CACNB4: variants seen among roughly 807,000 people sequenced by gnomAD.
The protein encoded by CACNB4 is voltage-dependent L-type calcium channel subunit beta-4.
In CACNB4, 32 loss-of-function variants were observed where a neutral mutation model predicts 71.2. The observed-to-expected ratio is 0.45, with a 90% CI of 0.34 to 0.60. CACNB4 has a LOEUF of 0.60. CACNB4 is among the 20% of genes least tolerant of loss of function. The pLI is 0.01. For synonymous variants in CACNB4, 231 were observed against 236.9 expected, an observed-to-expected ratio of 0.97 and a Z score of 0.23; for missense variants, 464 against 647.9, an observed-to-expected ratio of 0.72 and a Z score of 3.08.
intron 12 of CACNB4, chr2:151,851,184 G>A (rs888098210): frequency 6.6e-6 from 1 of 152,148 alleles, no homozygotes; most frequent in Non-Finnish European, 1.5e-5. Context: ...AAGTAAAGCA[G>A]GGGCAAATGC....
chr2:152,064,340 A>G (rs1368292074), intron 2 of CACNB4, among the ~76,000 whole-genome samples: 1 of 152,166 alleles, frequency 6.6e-6, no homozygotes, highest in Non-Finnish European at 1.5e-5. Flanking sequence ...TTATTCTTTA[A>G]TATTTCATTT....
In CACNB4 at chr2:151,842,250, G is replaced by A. The variant is rs557749951; in HGVS notation, c.1117-162C>T. Among the ~76,000 whole-genome samples, 48 of 144,290 alleles carry A rather than the reference G, an allele frequency of 3.3e-4. 1 individual carries two copies. In the South Asian group the frequency reaches 0.011, roughly 34 times the overall value. The allele number at this position is 144,290 out of a possible 152,430, so 94.7% of individuals were successfully genotyped here. A position where few individuals can be genotyped will look rare whatever the true frequency, so the allele number is the denominator to read the frequency against. The stretch of plus-strand genomic sequence containing the variant: ...TTCTAAAGTTAGGGTCAAGTGAAGA[G>A]TTACACAGTTATCCATGAACGAATG... On this transcript the variant is annotated intron_variant, in intron 12 of 13. Transcript: ENST00000539935.
At chr2:152,099,069 G>T, upstream of CACNB4, 2 of 1,229,690 alleles carry the variant, frequency 1.6e-6, no homozygotes, top group South Asian at 1.5e-5. Flanking sequence ...GCTGGCCCCC[G>T]AGGCTGGGCT....
intron 2 of CACNB4, among the ~76,000 whole-genome samples, chr2:151,983,790 A>G (rs557436539): frequency 3.4e-4 from 51 of 152,058 alleles, no homozygotes; most frequent in Non-Finnish European, 7.1e-4. Flanking sequence ...GATAGATTGA[A>G]AAATTTAAAA....
chr2:151,848,816 G>A (rs550303004), intron 12 of CACNB4, among the ~76,000 whole-genome samples: 33 of 152,140 alleles, frequency 2.2e-4, no homozygotes, highest in Non-Finnish European at 4.1e-4. Flanking sequence ...ATGTTCAATT[G>A]TCTGTCTCTC....
At chr2:151,905,408 C>T (rs2099854535) in intron 2 of CACNB4, among the ~76,000 whole-genome samples, 1 of 152,094 alleles carries the variant, frequency 6.6e-6, no homozygotes, top group African/African-American at 2.4e-5. Context: ...ACTAAAAATC[C>T]AATTCTCTCT....
At chr2:151,907,369 A>C (rs2099855083) in intron 2 of CACNB4, among the ~76,000 whole-genome samples, 1 of 152,250 alleles carries the variant, frequency 6.6e-6, no homozygotes. Flanking sequence ...CTGGAAAGAA[A>C]AAATATAGGC....
At chr2:152,041,872 CCT>C (rs761497920) in intron 2 of CACNB4, among the ~76,000 whole-genome samples, 14 of 152,200 alleles carry the variant, frequency 9.2e-5, no homozygotes, top group Non-Finnish European at 1.9e-4. Flanking sequence ...CACTAATTCC[CCT>C]GTTACTTCCA....
chr2:152,027,459 C>A (rs1049404922), intron 2 of CACNB4, among the ~76,000 whole-genome samples: 13 of 152,172 alleles, frequency 8.5e-5, no homozygotes, highest in Admixed American at 4.6e-4. Flanking sequence ...AGGAAAGCCT[C>A]CCTGAGTTTT....
Position 152,098,685 on chromosome 2 carries a change from C to G in CACNB4, c.63+264G>C, listed in dbSNP as rs940136658. 2 of 1,565,818 alleles carry G rather than the reference C, an allele frequency of 1.3e-6. No homozygotes were observed. The highest frequency in any genetic ancestry group is 2.7e-5 in the African/African-American group (2 of 73,612). ...TCTCAGGGTGCGGGGTCCGAGTCCCCGGCATCCGCTGGGGGAGGCTGCGGG... is the reference window on the plus strand; with the variant it reads ...TCTCAGGGTGCGGGGTCCGAGTCCCGGGCATCCGCTGGGGGAGGCTGCGGG... On this transcript the variant is annotated intron_variant, in intron 1 of 13. Coordinates refer to ENST00000539935, the MANE Select transcript of CACNB4 (RefSeq NM_000726.5). The surrounding 1 kb of genome is among the most constrained non-coding windows in gnomAD (Gnocchi z 5.3).
chr2:151,904,022 T>A (rs1262917336), intron 2 of CACNB4, among the ~76,000 whole-genome samples: 1 of 152,220 alleles, frequency 6.6e-6, no homozygotes, highest in Non-Finnish European at 1.5e-5. Flanking sequence ...ATGGGACTCA[T>A]ATTTCTTTGC....
chr2:151,873,104 A>C (rs759567031), intron 5 of CACNB4: 7 of 152,182 alleles, frequency 4.6e-5, no homozygotes, highest in Non-Finnish European at 8.8e-5. Context: ...AATAACAATA[A>C]AACTTTGAAA....
chr2:152,057,516 G>A (rs895283021), intron 2 of CACNB4, among the ~76,000 whole-genome samples: 2 of 152,108 alleles, frequency 1.3e-5, no homozygotes, highest in African/African-American at 4.8e-5. Context: ...AGGGAGACAG[G>A]GAGGCTTTAC....
chr2:152,004,109 C>G (rs952077063), intron 2 of CACNB4, among the ~76,000 whole-genome samples: 1 of 152,172 alleles, frequency 6.6e-6, no homozygotes, highest in Non-Finnish European at 1.5e-5. Context: ...CATGAGCCAC[C>G]GTGCCTGGTT....
chr2:151,938,788 G>T (rs763241356), intron 2 of CACNB4, among the ~76,000 whole-genome samples: 2 of 152,192 alleles, frequency 1.3e-5, no homozygotes, highest in African/African-American at 2.4e-5. Context: ...AGCATGGGGG[G>T]AAGGGATGGT....
In CACNB4 at chr2:151,843,910, T is replaced by A. The variant is rs2099836895; in HGVS notation, c.1117-1822A>T. Among the ~76,000 whole-genome samples, 4 of 152,298 alleles carry A rather than the reference T, an allele frequency of 2.6e-5. No homozygotes were observed. The South Asian group carries it at 8.3e-4, about 32-fold the overall frequency. The stretch of plus-strand genomic sequence containing the variant: ...CTATTTAAATGTTTCATCACATCAA[T>A]TTTTATGGAAAATTTTGGCCTTAAA... On this transcript the variant is annotated intron_variant, in intron 12 of 13. Transcript: ENST00000539935.
intron 9 of CACNB4, among the ~76,000 whole-genome samples, chr2:151,864,547 T>A (rs2099842591): frequency 6.6e-6 from 1 of 152,220 alleles, no homozygotes; most frequent in Non-Finnish European, 1.5e-5. Flanking sequence ...TATAATAATT[T>A]TTGAAAACTT....
intron 2 of CACNB4, among the ~76,000 whole-genome samples, chr2:152,032,226 C>T (rs986993539): frequency 6.6e-6 from 1 of 152,152 alleles, no homozygotes; most frequent in African/African-American, 2.4e-5. Flanking sequence ...CCCTTCCCCC[C>T]GTCCATTATC....
intron 2 of CACNB4, among the ~76,000 whole-genome samples, chr2:152,021,077 C>T (rs753313027): frequency 2.6e-5 from 4 of 151,994 alleles, no homozygotes; most frequent in Non-Finnish European, 4.4e-5. Context: ...GTGGTGAAAC[C>T]CCGTTTCTAC....
Sources: allele counts gnomAD v4.1 joint callset (sites outside exome capture counted in the v4.1 genomes callset), GRCh38; gene constraint gnomAD v4.1.1; non-coding constraint Gnocchi (gnomAD v3.1); transcripts MANE v1.5; gene names NCBI Gene and HGNC (gene_info 2026-07-23, HGNC 2026-07-21).